The following RNF5 variants were observed in gnomAD, a reference collection of about 807,000 sequenced individuals.
RNF5 encodes E3 ubiquitin-protein ligase RNF5.
A neutral mutation model predicts 24.4 loss-of-function variants in RNF5; 16 were observed. That is an observed-to-expected ratio of 0.66 (90% CI 0.44 to 1.00). The LOEUF is 1.00. Ranked by LOEUF, RNF5 falls within the 50% of genes least tolerant of loss-of-function variation. RNF5 has a pLI of 0.00. For missense variants in RNF5, 185 were observed against 236.7 expected, an observed-to-expected ratio of 0.78 and a Z score of 1.43; for synonymous variants, 64 against 88.5, an observed-to-expected ratio of 0.72 and a Z score of 1.55.
In RNF5 at chr6:32,179,527, T is replaced by TC. The variant is rs768935571; in HGVS notation, c.141-13dup. 2.7e-4 allele frequency: 439 copies of TC among 1,612,624 alleles called. No individual in the cohort carries two copies. The highest frequency in any genetic ancestry group is 3.4e-4 in the Non-Finnish European group (400 of 1,179,520). ...AGCTAGTTTGACCTTTTTTTTTTTT[T>TC]CTCCCCCATCCAGTTGGCCATGTCT... On this transcript the variant is annotated splice_polypyrimidine_tract_variant and intron_variant, in intron 1 of 5. Coordinates refer to ENST00000375094, the MANE Select transcript of RNF5 (RefSeq NM_006913.4). This position sits in a 1 kb window ranked among gnomAD's most constrained non-coding sequence, Gnocchi z 5.4.
intron 1 of RNF5, 104 bp downstream of exon 1, chr6:32,178,755 T>C: frequency 8.3e-7 from 1 of 1,198,866 alleles, no homozygotes; most frequent in Non-Finnish European, 1.2e-6. Context: ...GAGGGCACGT[T>C]CCCATAGGTG....
rs1301490864 is a variant in RNF5 at position 32,180,019 on chromosome 6, C to T, written c.338C>T (p.Pro113Leu). Reference protein sequence around the residue: ...PAPESRGGFQPFGDTGGFHFS... With the variant: ...PAPESRGGFQLFGDTGGFHFS... ...TTTCTGCCTCCCTAGGGATTCCAGC[C>T]ATTTGGTGATACCGGGGGCTTCCAC... The change falls in exon 5 of 6, where the codon CCA becomes CTA. Residue 113 changes from proline to leucine, a missense_variant. Coordinates refer to ENST00000375094, the MANE Select transcript of RNF5 (RefSeq NM_006913.4). 1.2e-5 allele frequency: 20 copies of T among 1,614,174 alleles called. No homozygotes were observed. The highest frequency in any genetic ancestry group is 1.7e-5 in the Non-Finnish European group (20 of 1,179,986).
chr6:32,178,458 G>A lies in RNF5; in HGVS notation c.-54G>A. The stretch of plus-strand genomic sequence containing the variant: ...GGTGGTTTCTGGTTTGTTGGGGCGT[G>A]TGTATGTGTATTTGGGGGGACTGAA... On this transcript the variant is annotated 5_prime_UTR_variant, in exon 1 of 6. It adds an upstream start codon to the 5' untranslated region. Coordinates refer to ENST00000375094, the MANE Select transcript of RNF5 (RefSeq NM_006913.4). 1 of 1,462,984 alleles carries A rather than the reference G, an allele frequency of 6.8e-7. No homozygotes were observed. The allele number at this position is 1,462,984 out of a possible 1,614,324, so 90.6% of individuals were successfully genotyped here.
chr6:32,179,552 T>A lies in RNF5; in HGVS notation c.152T>A (p.Leu51His). 1 of 1,613,878 alleles carries A rather than the reference T, an allele frequency of 6.2e-7. No individual in the cohort carries two copies. ...TCTCCCCCATCCAGTTGGCCATGTC[T>A]TCATCAGGTGCGTACTCAGGAGATG... ...VCGHLYCWPC[L>H]HQWLETRPER... Residue 51 changes from leucine to histidine, a missense_variant, in exon 2 of 6, where the codon CTT becomes CAT. By Grantham distance (99) the Leu-to-His change is moderately conservative (BLOSUM62 -3). Coordinates refer to ENST00000375094, the MANE Select transcript of RNF5 (RefSeq NM_006913.4). This position sits in a 1 kb window ranked among gnomAD's most constrained non-coding sequence, Gnocchi z 5.4.
At position 32,179,527 on chromosome 6, in the gene RNF5, T is replaced by TTC; in HGVS notation, c.141-14_141-13insTC. 6.2e-7 allele frequency: 1 copy of TTC among 1,612,682 alleles called. No homozygotes were observed. On this transcript the variant is annotated splice_polypyrimidine_tract_variant and intron_variant, in intron 1 of 5. Coordinates refer to ENST00000375094, the MANE Select transcript of RNF5 (RefSeq NM_006913.4). The surrounding 1 kb of genome is among the most constrained non-coding windows in gnomAD (Gnocchi z 5.4). ...AGCTAGTTTGACCTTTTTTTTTTTT[T>TTC]CTCCCCCATCCAGTTGGCCATGTCT...
In RNF5 at chr6:32,178,666, G is replaced by A. The variant is rs767613747; in HGVS notation, c.140+15G>A. 1.2e-6 allele frequency: 2 copies of A among 1,608,196 alleles called. No homozygotes were observed. Among genetic ancestry groups the A allele is most frequent in the African/African-American group, 1.3e-5 (1 of 74,964 alleles). ...CACCTGTACTGGTGAGAATCGAGGA[G>A]GGGGGCGGGAGGTGGTGGGTCTCGC... On this transcript the variant is annotated intron_variant, in intron 1 of 5. Transcript: ENST00000375094.
In RNF5 at chr6:32,180,318, A is replaced by T. The variant is rs746686536; in HGVS notation, c.535A>T (p.Ser179Cys). Residue 179 changes from serine to cysteine, a missense_variant, in exon 6 of 6, where the codon AGT (serine) becomes TGT (cysteine). Ser to Cys is a moderately radical substitution (Grantham distance 112). Coordinates refer to ENST00000375094, the MANE Select transcript of RNF5 (RefSeq NM_006913.4). Reference sequence around the variant, plus strand: ...CATCTTCTTCTTTTTTTGGCTGCTCAGTATTTGAGCTATGTCTGCTTCCTG... The same window carrying T: ...CATCTTCTTCTTTTTTTGGCTGCTCTGTATTTGAGCTATGTCTGCTTCCTG... ...LAIFFFFWLL[S>C]I 12 of 1,605,868 alleles carry T rather than the reference A, an allele frequency of 7.5e-6. No individual in the cohort carries two copies. The highest frequency in any genetic ancestry group is 1.0e-5 in the Non-Finnish European group (12 of 1,179,798).
rs1785980308 is a variant in RNF5, at chr6:32,180,241, G to A, written c.458G>A (p.Gly153Glu). The A allele has an allele frequency of 6.2e-7, 1 of 1,612,422 alleles. No individual in the cohort carries two copies. The highest frequency in any genetic ancestry group is 1.1e-5 in the South Asian group (1 of 91,082). The change falls in exon 6 of 6, where the codon GGA (glycine) becomes GAA (glutamate). Residue 153 changes from glycine to glutamate, a missense_variant. By Grantham distance (98) the Gly-to-Glu change is moderately conservative (BLOSUM62 -2). Transcript: ENST00000375094. The stretch of plus-strand genomic sequence containing the variant: ...CTCTCTCCCACAGGTGTGGATCTGG[G>A]ACAGGGTCACCCAGCCTCCAGCTGG... ...PFRRGTGVDL[G>E]QGHPASSWQD...
chr6:32,180,160 C>G, intron 5 of RNF5, 34 bp downstream of exon 5: 1 of 1,608,022 alleles, frequency 6.2e-7, no homozygotes, highest in Non-Finnish European at 8.5e-7. Context: ...TCAGGGAGCC[C>G]TGTGAATCCC....
chr6:32,178,752 C>A, intron 1 of RNF5, 101 bp downstream of exon 1: 2 of 1,237,026 alleles, frequency 1.6e-6, no homozygotes, highest in Non-Finnish European at 2.3e-6. Flanking sequence ...TCGGAGGGCA[C>A]GTTCCCATAG....
chr6:32,180,593 C>G lies in RNF5; in HGVS notation c.*267C>G, dbSNP rs1018598502. ...GATTGAGAGAATGTCTTTCTCCTCT[C>G]CTAAGTCTTTGCTTTCCCTGATTTC... is the stretch of plus-strand genomic sequence containing the variant. On this transcript the variant is annotated 3_prime_UTR_variant, in exon 6 of 6. Coordinates refer to ENST00000375094, the MANE Select transcript of RNF5 (RefSeq NM_006913.4). 145 of 500,794 alleles carry G rather than the reference C, an allele frequency of 2.9e-4. No individual in the cohort carries two copies. Among genetic ancestry groups the G allele is most frequent in the Non-Finnish European group, 4.5e-4 (127 of 283,908 alleles). 31.0% of individuals were successfully genotyped at this position (500,794 alleles called of 1,614,324 possible).
Position 32,179,569 on chromosome 6 carries a change from C to T in RNF5, c.159+10C>T, listed in dbSNP as rs1226784649. ...GCCATGTCTTCATCAGGTGCGTACTCAGGAGATGAAGAGGGAAATGGGGAG... is the reference window on the plus strand; with the variant it reads ...GCCATGTCTTCATCAGGTGCGTACTTAGGAGATGAAGAGGGAAATGGGGAG... On this transcript the variant is annotated intron_variant, in intron 2 of 5. Coordinates refer to ENST00000375094, the MANE Select transcript of RNF5 (RefSeq NM_006913.4). The surrounding 1 kb of genome is among the most constrained non-coding windows in gnomAD (Gnocchi z 5.4). 6.2e-7 allele frequency: 1 copy of T among 1,612,868 alleles called. No homozygotes were observed. The highest frequency in any genetic ancestry group is 1.3e-5 in the African/African-American group (1 of 74,410).
chr6:32,180,016 A>G lies in RNF5; in HGVS notation c.335A>G (p.Gln112Arg). 1.9e-6 allele frequency: 3 copies of G among 1,614,138 alleles called. No homozygotes were observed. Among genetic ancestry groups the G allele is most frequent in the Non-Finnish European group, 2.5e-6 (3 of 1,180,004 alleles). ...RPAPESRGGFQPFGDTGGFHF... is the reference protein window; with the variant it reads ...RPAPESRGGFRPFGDTGGFHF... The stretch of plus-strand genomic sequence containing the variant: ...CTTTTTCTGCCTCCCTAGGGATTCC[A>G]GCCATTTGGTGATACCGGGGGCTTC... The change falls in exon 5 of 6, where the codon CAG (glutamine) becomes CGG (arginine). Residue 112 changes from glutamine to arginine, a missense_variant. Coordinates refer to ENST00000375094, the MANE Select transcript of RNF5 (RefSeq NM_006913.4).
In RNF5 at chr6:32,180,271, A is replaced by T; in HGVS notation, c.488A>T (p.Asp163Val). 6.2e-7 allele frequency: 1 copy of T among 1,612,292 alleles called. No homozygotes were observed. The highest frequency in any genetic ancestry group is 8.5e-7 in the Non-Finnish European group (1 of 1,179,980). Residue 163 changes from aspartate (D) to valine (V), a missense_variant, in exon 6 of 6, where the codon GAT becomes GTT. Asp to Val is a radical substitution (Grantham distance 152). Coordinates refer to ENST00000375094, the MANE Select transcript of RNF5 (RefSeq NM_006913.4). ...GQGHPASSWQ[D>V]SLFLFLAIFF... The stretch of plus-strand genomic sequence containing the variant: ...GGTCACCCAGCCTCCAGCTGGCAGG[A>T]TTCCCTCTTCCTGTTTCTCGCCATC...
chr6:32,179,626 T>A lies in RNF5; in HGVS notation c.160-25T>A. 1 of 1,613,956 alleles carries A rather than the reference T, an allele frequency of 6.2e-7. No individual in the cohort carries two copies. The highest frequency in any genetic ancestry group is 8.5e-7 in the Non-Finnish European group (1 of 1,179,936). On this transcript the variant is annotated intron_variant, in intron 2 of 5. Transcript: ENST00000375094. The surrounding 1 kb of genome is among the most constrained non-coding windows in gnomAD (Gnocchi z 5.4). ...GGAGCTGTAAGACCCTCTTGTATAC[T>A]GGAAACCACCTTTTTTCTCCCCAGT...
chr6:32,180,318 A>G lies in RNF5; in HGVS notation c.535A>G (p.Ser179Gly). 6.2e-7 allele frequency: 1 copy of G among 1,605,986 alleles called. No homozygotes were observed. The highest frequency in any genetic ancestry group is 8.5e-7 in the Non-Finnish European group (1 of 1,179,790). ...LAIFFFFWLL[S>G]I The stretch of plus-strand genomic sequence containing the variant: ...CATCTTCTTCTTTTTTTGGCTGCTC[A>G]GTATTTGAGCTATGTCTGCTTCCTG... Residue 179 changes from serine (S) to glycine (G), a missense_variant, in exon 6 of 6, where the codon AGT (serine) becomes GGT (glycine). Ser to Gly is a moderately conservative substitution (Grantham distance 56). Coordinates refer to ENST00000375094, the MANE Select transcript of RNF5 (RefSeq NM_006913.4).
chr6:32,178,586 C>A lies in RNF5; in HGVS notation c.75C>A (p.Phe25Leu). 1 of 1,610,414 alleles carries A rather than the reference C, an allele frequency of 6.2e-7. No individual in the cohort carries two copies. Residue 25 changes from phenylalanine (F) to leucine (L), a missense_variant, in exon 1 of 6, where the codon TTC becomes TTA. Transcript: ENST00000375094. ...NRERGGAGATFECNICLETAR... is the reference protein window; with the variant it reads ...NRERGGAGATLECNICLETAR... ...AGCGGGGCGGGGCGGGCGCGACCTTCGAATGTAATATATGTTTGGAGACTG... is the reference window on the plus strand; with the variant it reads ...AGCGGGGCGGGGCGGGCGCGACCTTAGAATGTAATATATGTTTGGAGACTG...
In RNF5 at chr6:32,178,614, C is replaced by T. The variant is rs769482583; in HGVS notation, c.103C>T (p.Arg35Trp). 3 of 1,610,726 alleles carry T rather than the reference C, an allele frequency of 1.9e-6. No homozygotes were observed. Among genetic ancestry groups the T allele is most frequent in the East Asian group, 2.2e-5 (1 of 44,792 alleles). The change falls in exon 1 of 6, where the codon CGG becomes TGG. Residue 35 changes from arginine (R) to tryptophan (W), a missense_variant. By Grantham distance (101) the Arg-to-Trp change is moderately radical. Coordinates refer to ENST00000375094, the MANE Select transcript of RNF5 (RefSeq NM_006913.4). ...FECNICLETA[R>W]EAVVSVCGHL... ...ATGTAATATATGTTTGGAGACTGCT[C>T]GGGAAGCTGTGGTCAGTGTGTGTGG...
rs1282917380 is a variant in RNF5, at chr6:32,179,437, G to T, written c.141-104G>T. 7.0e-7 allele frequency: 1 copy of T among 1,428,006 alleles called. No individual in the cohort carries two copies. Among genetic ancestry groups the T allele is most frequent in the East Asian group, 2.3e-5 (1 of 44,030 alleles). 88.5% of individuals were successfully genotyped at this position (1,428,006 alleles called of 1,614,324 possible). A position where few individuals can be genotyped will look rare whatever the true frequency, so the allele number is the denominator to read the frequency against. On this transcript the variant is annotated intron_variant, in intron 1 of 5. Coordinates refer to ENST00000375094, the MANE Select transcript of RNF5 (RefSeq NM_006913.4). The surrounding 1 kb of genome is among the most constrained non-coding windows in gnomAD (Gnocchi z 5.4). ...CAGAAAATCTGAAAAGCAACAGCAGGTTGCTTGGGAAGAGGGGTTAGATGG... is the reference window on the plus strand; with the variant it reads ...CAGAAAATCTGAAAAGCAACAGCAGTTTGCTTGGGAAGAGGGGTTAGATGG...
Sources: gnomAD v4.1 joint callset for allele counts on GRCh38, gnomAD v4.1.1 for gene constraint, Gnocchi (gnomAD v3.1) non-coding constraint, MANE v1.5 for transcripts, NCBI Gene and HGNC (gene_info 2026-07-23, HGNC 2026-07-21) for gene names.